Variants in PAK5 observed in about 807,000 individuals in gnomAD.
PAK5 encodes the protein serine/threonine-protein kinase PAK 5.
PAK5 carries 16 observed loss-of-function variants against 65.9 expected under a neutral mutation model. The ratio of observed to expected loss-of-function variants is 0.24; its 90% confidence interval spans 0.16 to 0.37. The LOEUF is 0.37. Ranked by LOEUF, PAK5 falls within the 10% of genes least tolerant of loss-of-function variation. The pLI is 1.00. For missense variants in PAK5, 785 were observed against 903.9 expected (o/e 0.87, Z 1.69); for synonymous variants, 371 against 354.9 (o/e 1.05, Z -0.51).
At chr20:9,595,105 A>G (rs190783014) in intron 3 of PAK5, among the ~76,000 whole-genome samples, 28 of 151,092 alleles carry the variant, frequency 1.9e-4, no homozygotes, top group African/African-American at 6.1e-4. Flanking sequence ...ATACATATAT[A>G]TACACATATA....
intron 1 of PAK5, among the ~76,000 whole-genome samples, chr20:9,819,061 G>T (rs2049390370): frequency 6.6e-6 from 1 of 152,128 alleles, no homozygotes; most frequent in African/African-American, 2.4e-5. Context: ...GCCAAAGAAA[G>T]AAAGCATCAG....
At chr20:9,800,091 T>C (rs974277154) in intron 1 of PAK5, among the ~76,000 whole-genome samples, 6 of 152,066 alleles carry the variant, frequency 3.9e-5, no homozygotes, top group East Asian at 3.8e-4. Flanking sequence ...TTACAATCTA[T>C]AAAAACCCTT....
chr20:9,577,539 A>G (rs1355912947), intron 4 of PAK5: 1 of 152,146 alleles, frequency 6.6e-6, no homozygotes, highest in Non-Finnish European at 1.5e-5. Flanking sequence ...AGCAAGGCCG[A>G]CTCATCTGAG....
rs745816542 is a variant in PAK5, at chr20:9,580,298, C to T, written c.837G>A (p.Gln279=). ...KSSYLNQTSP[Q]PTMRQRSRSG... is the part of the protein sequence containing the mutation. ...ACCTGGACCTCTGCCGCATGGTGGG[C>T]TGAGGGCTTGTCTGATTCAGGTACG... Residue 279 remains glutamine (Q), a synonymous_variant, in exon 4 of 10, where the codon CAG becomes CAA. Transcript: ENST00000353224. The T allele has an allele frequency of 4.3e-6, 7 of 1,614,000 alleles. No individual in the cohort carries two copies. Among genetic ancestry groups the T allele is most frequent in the East Asian group, 2.2e-5 (1 of 44,882 alleles).
intron 1 of PAK5, among the ~76,000 whole-genome samples, chr20:9,801,136 T>A (rs148401772): frequency 2.0e-5 from 3 of 152,084 alleles, no homozygotes; most frequent in Non-Finnish European, 4.4e-5. Flanking sequence ...GTTGTCCCTA[T>A]GAGAAAACAA....
chr20:9,660,610 A>T (rs1326140010), intron 2 of PAK5, among the ~76,000 whole-genome samples: 1 of 152,152 alleles, frequency 6.6e-6, no homozygotes, highest in African/African-American at 2.4e-5. Context: ...AGGGGAAAAG[A>T]ATTTTTATAT....
chr20:9,545,893 C>G (rs1455783018), intron 7 of PAK5, among the ~76,000 whole-genome samples: 4 of 152,020 alleles, frequency 2.6e-5, no homozygotes, highest in Non-Finnish European at 5.9e-5. Flanking sequence ...ACTCTTGTCT[C>G]TATCTCACCC....
chr20:9,539,467 G>T lies in PAK5; in HGVS notation c.2155C>A (p.His719Asn), dbSNP rs1166108582. The T allele has an allele frequency of 1.2e-6, 2 of 1,613,816 alleles. No homozygotes were observed. The highest frequency in any genetic ancestry group is 8.5e-7 in the Non-Finnish European group (1 of 1,179,796). Residue 719 changes from histidine to asparagine, a missense_variant, in exon 10 of 10, where the codon CAC (histidine) becomes AAC (asparagine). By Grantham distance (68) the His-to-Asn change is moderately conservative. Coordinates refer to ENST00000353224, the MANE Select transcript of PAK5 (RefSeq NM_177990.4). ...CACCTACACGAATCCTCTGCTCAGT[G>T]ATGCCTGTATTGTCTCATGAGGGGG... is the stretch of plus-strand genomic sequence containing the variant. ...IVPLMRQYRH[H>N] is the part of the protein sequence containing the mutation.
At chr20:9,665,076 A>T (rs2047396285) in intron 2 of PAK5, among the ~76,000 whole-genome samples, 1 of 61,636 alleles carries the variant, frequency 1.6e-5, no homozygotes, top group African/African-American at 7.2e-5. Flanking sequence ...TGCCCAGCTA[A>T]ATTTTTCTGT....
intron 1 of PAK5, among the ~76,000 whole-genome samples, chr20:9,773,526 C>G (rs1395015006): frequency 2.0e-5 from 3 of 152,082 alleles, no homozygotes; most frequent in East Asian, 3.9e-4. Flanking sequence ...CTTCTTATAA[C>G]TAGTTCATAA....
rs140781404 is a variant in PAK5, at chr20:9,674,473, A to G, written c.-11-30134T>C. ...GTTTCCCTCTGAGGTACTTCCCTCT[A>G]TAGATCTTGCTGTGGAGTAATCTTT... On this transcript the variant is annotated intron_variant, in intron 2 of 9. Transcript: ENST00000353224. 1.9e-3 allele frequency among the ~76,000 whole-genome samples: 289 copies of G among 152,352 alleles called. 1 individual carries two copies. Among genetic ancestry groups the G allele is most frequent in the Non-Finnish European group, 2.6e-3 (175 of 68,020 alleles).
chr20:9,669,070 T>G (rs577928269), intron 2 of PAK5, among the ~76,000 whole-genome samples: 1 of 152,316 alleles, frequency 6.6e-6, no homozygotes, highest in African/African-American at 2.4e-5. Flanking sequence ...ATAATAAAAG[T>G]GATTTACAAA....
chr20:9,684,117 A>T (rs1183357250), intron 2 of PAK5, among the ~76,000 whole-genome samples: 1 of 152,210 alleles, frequency 6.6e-6, no homozygotes, highest in Non-Finnish European at 1.5e-5. Flanking sequence ...TTATTGTGTT[A>T]AACCATTGGG....
intron 1 of PAK5, among the ~76,000 whole-genome samples, chr20:9,730,321 CT>C (rs1272772482): frequency 5.3e-5 from 8 of 152,052 alleles, no homozygotes; most frequent in Non-Finnish European, 1.0e-4. Flanking sequence ...TATTTTTAAA[CT>C]AAATGCCAGC....
At chr20:9,668,954 C>T (rs538146087) in intron 2 of PAK5, among the ~76,000 whole-genome samples, 2 of 152,218 alleles carry the variant, frequency 1.3e-5, no homozygotes, top group East Asian at 1.9e-4. Context: ...ATGGCATATT[C>T]GAGAGATCTT....
intron 3 of PAK5, among the ~76,000 whole-genome samples, chr20:9,614,328 G>C (rs2046616388): frequency 6.6e-6 from 1 of 152,030 alleles, no homozygotes; most frequent in African/African-American, 2.4e-5. Context: ...GAATGAAAAA[G>C]GCATAGAATA....
chr20:9,654,101 G>A (rs963830507), intron 2 of PAK5, among the ~76,000 whole-genome samples: 2 of 151,912 alleles, frequency 1.3e-5, no homozygotes, highest in Non-Finnish European at 2.9e-5. Context: ...AGCCACCTGA[G>A]TGGCTGGGAT....
At position 9,766,262 on chromosome 20, in the gene PAK5, A is replaced by C. The variant is rs369172830; in HGVS notation, c.-161-54827T>G. ...GAAAAAAATATATATATATGTTCTAATTGAATATATATATATTCTAATTGA... is the reference window on the plus strand; with the variant it reads ...GAAAAAAATATATATATATGTTCTACTTGAATATATATATATTCTAATTGA... On this transcript the variant is annotated intron_variant, in intron 1 of 9. Transcript: ENST00000353224. Among the ~76,000 whole-genome samples, 40 of 52,110 alleles carry C rather than the reference A, an allele frequency of 7.7e-4. 1 individual carries two copies. In the East Asian group the frequency reaches 0.013, roughly 17 times the overall value. 34.2% of individuals were successfully genotyped at this position (52,110 alleles called of 152,430 possible). A position where few individuals can be genotyped will look rare whatever the true frequency, so the allele number is the denominator to read the frequency against.
At chr20:9,747,110 G>A (rs564456685) in intron 1 of PAK5, among the ~76,000 whole-genome samples, 11 of 152,058 alleles carry the variant, frequency 7.2e-5, no homozygotes, top group Non-Finnish European at 1.3e-4. Flanking sequence ...TCCTCGACAC[G>A]TACACCCTCC....
Sources: gnomAD v4.1 joint callset for allele counts (sites outside exome capture counted in the v4.1 genomes callset) on GRCh38, gnomAD v4.1.1 for gene constraint, MANE v1.5 for transcripts, NCBI Gene and HGNC (gene_info 2026-07-23, HGNC 2026-07-21) for gene names.